CNOT6L: variants seen among roughly 807,000 people sequenced by gnomAD.
The protein encoded by CNOT6L is CCR4-NOT transcription complex subunit 6-like.
Under a neutral mutation model 64.0 loss-of-function variants are expected in CNOT6L, and 7 were observed. The observed-to-expected ratio is 0.11, with a 90% CI of 0.06 to 0.21. The LOEUF is 0.21. CNOT6L is among the 10% of genes least tolerant of loss of function. The pLI is 1.00. For missense variants in CNOT6L, 245 were observed against 669.0 expected, an observed-to-expected ratio of 0.37 and a Z score of 6.99; for synonymous variants, 193 against 243.4, an observed-to-expected ratio of 0.79 and a Z score of 1.93.
At position 77,720,038 on chromosome 4, in the gene CNOT6L, T is replaced by C. The variant is rs1477143453; in HGVS notation, c.*393A>G. On this transcript the variant is annotated 3_prime_UTR_variant, in exon 12 of 12. Transcript: ENST00000504123. ...ATCATTCAGTTTAAAATACTGTATT[T>C]ATAGTTTTTAAAAATTGCCTTTTAT... The C allele has an allele frequency of 1.8e-5, 3 of 167,778 alleles. No individual in the cohort carries two copies. Among genetic ancestry groups the C allele is most frequent in the African/African-American group, 7.2e-5 (3 of 41,618 alleles). 10.4% of individuals were successfully genotyped at this position (167,778 alleles called of 1,614,324 possible). A position where few individuals can be genotyped will look rare whatever the true frequency, so the allele number is the denominator to read the frequency against.
At chr4:77,812,924 TGA>T (rs545150028) in intron 1 of CNOT6L, among the ~76,000 whole-genome samples, 231 of 152,322 alleles carry the variant, frequency 1.5e-3, no homozygotes, top group Non-Finnish European at 2.6e-3. Flanking sequence ...GGAAAAACTT[TGA>T]GAGGTTTGAG....
At chr4:77,755,493 C>T (rs1022011815) in intron 5 of CNOT6L, among the ~76,000 whole-genome samples, 7 of 151,936 alleles carry the variant, frequency 4.6e-5, no homozygotes, top group Non-Finnish European at 8.8e-5. Context: ...GGATTACAGG[C>T]GTGAGCCACC....
intron 11 of CNOT6L, among the ~76,000 whole-genome samples, chr4:77,724,723 G>C (rs1302048301): frequency 6.6e-6 from 1 of 151,052 alleles, no homozygotes; most frequent in African/African-American, 2.4e-5. Context: ...AATAATAATA[G>C]TTGCAGAATT....
intron 1 of CNOT6L, among the ~76,000 whole-genome samples, chr4:77,799,254 C>T (rs1372244028): frequency 6.6e-6 from 1 of 152,094 alleles, no homozygotes; most frequent in Non-Finnish European, 1.5e-5. Context: ...ACATCAAGTC[C>T]CTGTTTCTAC....
intron 5 of CNOT6L, 40 bp from the exon 6 acceptor site, chr4:77,748,424 T>C (rs1724449515): frequency 7.8e-7 from 1 of 1,275,412 alleles, no homozygotes; most frequent in Non-Finnish European, 1.1e-6. Flanking sequence ...TTTCATGTGT[T>C]TCTGAAATCT....
In CNOT6L at chr4:77,720,286, A is replaced by G. The variant is rs2109845977; in HGVS notation, c.*145T>C. 7 of 835,168 alleles carry G rather than the reference A, an allele frequency of 8.4e-6. No homozygotes were observed. The South Asian group carries it at 1.4e-4, about 16-fold the overall frequency. 51.7% of individuals were successfully genotyped at this position (835,168 alleles called of 1,614,324 possible). On this transcript the variant is annotated 3_prime_UTR_variant, in exon 12 of 12. Coordinates refer to ENST00000504123, the MANE Select transcript of CNOT6L (RefSeq NM_144571.3). ...CCAAATGATACCAATATGCACAAAA[A>G]TGTACAAAGTCTTACAGCAAACACA... is the stretch of plus-strand genomic sequence containing the variant.
intron 5 of CNOT6L, among the ~76,000 whole-genome samples, chr4:77,749,105 C>T (rs528516647): frequency 1.5e-3 from 235 of 152,250 alleles, no homozygotes; most frequent in African/African-American, 5.5e-3. Flanking sequence ...AATGTATTCC[C>T]TTAAAACAAC....
chr4:77,774,401 T>C, intron 3 of CNOT6L, 129 bp downstream of exon 3: 1 of 701,848 alleles, frequency 1.4e-6, no homozygotes, highest in Non-Finnish European at 2.2e-6. Flanking sequence ...ACTCAAGCAC[T>C]ATGCTTAGAC....
intron 5 of CNOT6L, among the ~76,000 whole-genome samples, chr4:77,751,288 C>A (rs72652512): frequency 6.6e-6 from 1 of 151,806 alleles, no homozygotes; most frequent in Non-Finnish European, 1.5e-5. Flanking sequence ...AATAAAGATG[C>A]CAAAAGATAA....
In CNOT6L at chr4:77,797,734, T is replaced by C. The variant is rs8180241; in HGVS notation, c.6-21342A>G. ...ATGGTAAGAATTAATCTTCCACCTA[T>C]GACATTGTGAAGAAGGAAACAGAAA... On this transcript the variant is annotated intron_variant, in intron 1 of 11. Coordinates refer to ENST00000504123, the MANE Select transcript of CNOT6L (RefSeq NM_144571.3). 4.1e-3 allele frequency among the ~76,000 whole-genome samples: 626 copies of C among 152,214 alleles called. 11 individuals are homozygous for C. Among genetic ancestry groups the C allele is most frequent in the East Asian group, 0.024 (126 of 5,174 alleles).
intron 2 of CNOT6L, 84 bp from the exon 3 acceptor site, chr4:77,774,800 G>A (rs1363786778): frequency 1.2e-6 from 1 of 831,496 alleles, no homozygotes; most frequent in Non-Finnish European, 1.8e-6. Flanking sequence ...AGTGGTAAGA[G>A]AGGCTGCAAA....
chr4:77,751,931 G>T (rs1215518710), intron 5 of CNOT6L, among the ~76,000 whole-genome samples: 1 of 152,176 alleles, frequency 6.6e-6, no homozygotes, highest in Non-Finnish European at 1.5e-5. Context: ...CAGCACCTTG[G>T]AAGGCTGAGA....
rs1266682465 is a variant in CNOT6L at position 77,714,416 on chromosome 4, A to G, written c.*6015T>C. Reference sequence around the variant, plus strand: ...CAACACCCTGGCCCTTATAGAGAGAAAAAGTACATACACACTCTCTTTAAA... The same window carrying G: ...CAACACCCTGGCCCTTATAGAGAGAGAAAGTACATACACACTCTCTTTAAA... On this transcript the variant is annotated 3_prime_UTR_variant, in exon 12 of 12. Transcript: ENST00000504123. 6.7e-6 allele frequency: 1 copy of G among 149,174 alleles called. No homozygotes were observed. The highest frequency in any genetic ancestry group is 2.5e-5 in the African/African-American group (1 of 40,362). 9.2% of individuals were successfully genotyped at this position (149,174 alleles called of 1,614,324 possible).
intron 1 of CNOT6L, among the ~76,000 whole-genome samples, chr4:77,778,830 G>C (rs1728466038): frequency 6.6e-6 from 1 of 151,452 alleles, no homozygotes; most frequent in Non-Finnish European, 1.5e-5. Context: ...TGATTACAAG[G>C]TCAGGAGATC....
chr4:77,792,634 G>A (rs964350493), intron 1 of CNOT6L, among the ~76,000 whole-genome samples: 1 of 150,516 alleles, frequency 6.6e-6, no homozygotes, highest in East Asian at 2.0e-4. Context: ...GCTGAGACAG[G>A]AGAATCGCTT....
chr4:77,792,290 G>A (rs538367214), intron 1 of CNOT6L, among the ~76,000 whole-genome samples: 1 of 151,808 alleles, frequency 6.6e-6, no homozygotes, highest in South Asian at 2.1e-4. Flanking sequence ...GGCAACTATA[G>A]AGGCAAAAAT....
chr4:77,789,019 C>A (rs896534219), intron 1 of CNOT6L, among the ~76,000 whole-genome samples: 1 of 152,150 alleles, frequency 6.6e-6, no homozygotes, highest in African/African-American at 2.4e-5. Flanking sequence ...CCCTTCCACA[C>A]ATCACTAGTA....
chr4:77,787,910 T>C (rs1560425594), intron 1 of CNOT6L, among the ~76,000 whole-genome samples: 1 of 152,236 alleles, frequency 6.6e-6, no homozygotes, highest in Non-Finnish European at 1.5e-5. Flanking sequence ...AGAACTGGAA[T>C]TCTAATCCAA....
At chr4:77,736,905 T>C (rs999587734) in intron 8 of CNOT6L, among the ~76,000 whole-genome samples, 3 of 152,194 alleles carry the variant, frequency 2.0e-5, no homozygotes, top group African/African-American at 7.2e-5. Context: ...AATCCCCTTA[T>C]ATGATTTGAG....
Sources: allele counts gnomAD v4.1 joint callset (sites outside exome capture counted in the v4.1 genomes callset), GRCh38; gene constraint gnomAD v4.1.1; transcripts MANE v1.5; gene names NCBI Gene and HGNC (gene_info 2026-07-23, HGNC 2026-07-21).